The following USP43 variants were observed in gnomAD, a reference collection of about 807,000 sequenced individuals.
USP43 encodes ubiquitin specific peptidase 43, also known as ubiquitin carboxyl-terminal hydrolase 43.
USP43 carries 33 observed loss-of-function variants against 90.7 expected under a neutral mutation model. That is an observed-to-expected ratio of 0.36 (90% confidence interval 0.28 to 0.49). USP43 has a LOEUF of 0.49. USP43 is among the 20% of genes least tolerant of loss of function. The pLI is 0.98. For synonymous variants in USP43, 598 were observed against 615.8 expected (o/e 0.97, Z 0.43); for missense variants, 1,274 against 1,476.4 (o/e 0.86, Z 2.25).
intron 13 of USP43, 21 bp from the exon 14 acceptor site, chr17:9,711,947 C>T: frequency 6.3e-7 from 1 of 1,574,918 alleles, no homozygotes. Context: ...CTCAGCCTCC[C>T]TCTCTGTGTT....
intron 14 of USP43, among the ~76,000 whole-genome samples, chr17:9,724,342 G>A (rs1000009229): frequency 2.6e-5 from 4 of 152,142 alleles, no homozygotes; most frequent in East Asian, 1.9e-4. Flanking sequence ...ACCTCCACGT[G>A]GAAATGGTCA....
intron 1 of USP43, chr17:9,647,719 A>C (rs1911535192): frequency 6.6e-6 from 1 of 152,016 alleles, no homozygotes; most frequent in South Asian, 2.1e-4. Context: ...AACACTTCGA[A>C]ATTGGCCGAG....
At position 9,646,030 on chromosome 17, in the gene USP43, G is replaced by A. The variant is rs1288589271; in HGVS notation, c.398G>A (p.Arg133His). The change falls in exon 1 of 15, where the codon CGC (arginine) becomes CAC (histidine). Residue 133 changes from arginine to histidine, a missense_variant. Around this residue, in one of 6 missense-constraint regions of USP43, gnomAD observed 259 missense variants for 373.7 expected, o/e 0.69. Coordinates refer to ENST00000285199, the MANE Select transcript of USP43 (RefSeq NM_153210.5). ...CTGGCCGAGTTCCTGGCGCTGGGGC[G>A]CTACCGGGCGGCTCCGGGCCGCGCC... The part of the protein sequence containing the change: ...DLLAEFLALG[R>H]YRAAPGRAEV... 1 of 1,488,932 alleles carries A rather than the reference G, an allele frequency of 6.7e-7. No individual in the cohort carries two copies. The highest frequency in any genetic ancestry group is 8.9e-7 in the Non-Finnish European group (1 of 1,121,392). 92.2% of individuals were successfully genotyped at this position (1,488,932 alleles called of 1,614,324 possible). A position where few individuals can be genotyped will look rare whatever the true frequency, so the allele number is the denominator to read the frequency against.
At position 9,686,972 on chromosome 17, in the gene USP43, G is replaced by A; in HGVS notation, c.1353+63G>A. The stretch of plus-strand genomic sequence containing the variant: ...ATGCGCATGTGCATGCGTGTGTGTG[G>A]GTGTGTGTATTGGGAGGGGTGGAAT... On this transcript the variant is annotated intron_variant, in intron 8 of 14. Coordinates refer to ENST00000285199, the MANE Select transcript of USP43 (RefSeq NM_153210.5). This position sits in a 1 kb window ranked among gnomAD's most constrained non-coding sequence, Gnocchi z 5.5. 2 of 1,469,348 alleles carry A rather than the reference G, an allele frequency of 1.4e-6. No individual in the cohort carries two copies. Among genetic ancestry groups the A allele is most frequent in the South Asian group, 1.2e-5 (1 of 85,406 alleles). 91.0% of individuals were successfully genotyped at this position (1,469,348 alleles called of 1,614,324 possible). A position where few individuals can be genotyped will look rare whatever the true frequency, so the allele number is the denominator to read the frequency against.
At chr17:9,678,351 T>C (rs1253318801) in intron 5 of USP43, among the ~76,000 whole-genome samples, 1 of 152,178 alleles carries the variant, frequency 6.6e-6, no homozygotes, top group Non-Finnish European at 1.5e-5. Context: ...CTTGGATTTA[T>C]TTTTCTATTT....
In USP43 at chr17:9,645,864, G is replaced by A; in HGVS notation, c.232G>A (p.Glu78Lys). Residue 78 changes from glutamate (E) to lysine (K), a missense_variant, in exon 1 of 15, where the codon GAA (glutamate) becomes AAA (lysine). Physicochemically the swap from Glu to Lys is moderately conservative, Grantham distance 56. Around this residue, in one of 6 missense-constraint regions of USP43, gnomAD observed 259 missense variants for 373.7 expected, o/e 0.69. Transcript: ENST00000285199. This position sits in a 1 kb window ranked among gnomAD's most constrained non-coding sequence, Gnocchi z 6.8. Reference protein sequence around the residue: ...VPAAPGSPGEERPPGPQPQLQ... With the variant: ...VPAAPGSPGEKRPPGPQPQLQ... ...AGCGGCCCCCGGGAGCCCCGGGGAG[G>A]AACGCCCGCCCGGACCCCAGCCCCA... The A allele has an allele frequency of 7.0e-7, 1 of 1,421,180 alleles. No individual in the cohort carries two copies. Among genetic ancestry groups the A allele is most frequent in the Non-Finnish European group, 9.1e-7 (1 of 1,094,078 alleles). 88.0% of individuals were successfully genotyped at this position (1,421,180 alleles called of 1,614,324 possible).
chr17:9,711,891 C>A, intron 13 of USP43, 77 bp from the exon 14 acceptor site: 1 of 1,410,902 alleles, frequency 7.1e-7, no homozygotes, highest in South Asian at 1.6e-5. Context: ...GAATGGGGAT[C>A]TGGTTGTGAG....
Position 9,728,830 on chromosome 17 carries a change from G to T in USP43, c.3212G>T (p.Arg1071Leu). Reference protein sequence around the residue: ...RDVWSAPSSLRLPRKASRAPR... With the variant: ...RDVWSAPSSLLLPRKASRAPR... Reference sequence around the variant, plus strand: ...GTCTGGTCAGCCCCCAGCTCTCTCCGCCTCCCTCGTAAAGCCAGCAGGGCC... The same window carrying T: ...GTCTGGTCAGCCCCCAGCTCTCTCCTCCTCCCTCGTAAAGCCAGCAGGGCC... The change falls in exon 15 of 15, where the codon CGC becomes CTC. Residue 1071 changes from arginine to leucine, a missense_variant. Arg to Leu is a moderately radical substitution (Grantham distance 102). Around this residue, in one of 6 missense-constraint regions of USP43, gnomAD observed 353 missense variants for 329.7 expected, o/e 1.07. Transcript: ENST00000285199. This position sits in a 1 kb window ranked among gnomAD's most constrained non-coding sequence, Gnocchi z 6.2. The T allele has an allele frequency of 6.2e-7, 1 of 1,613,716 alleles. No individual in the cohort carries two copies. The highest frequency in any genetic ancestry group is 1.3e-5 in the African/African-American group (1 of 75,034).
chr17:9,662,699 G>A lies in USP43; in HGVS notation c.637-3949G>A, dbSNP rs116214616. Among the ~76,000 whole-genome samples the A allele has an allele frequency of 9.5e-4, 144 of 152,158 alleles. 1 individual carries two copies. The highest frequency in any genetic ancestry group is 3.4e-3 in the African/African-American group (140 of 41,508). On this transcript the variant is annotated intron_variant, in intron 2 of 14. Coordinates refer to ENST00000285199, the MANE Select transcript of USP43 (RefSeq NM_153210.5). ...AGCTGCCAAGTTAAAGCATCTCTCC[G>A]AGCATGTTGCTACCATCTGAGTTCA...
chr17:9,650,810 T>G (rs143085385), intron 1 of USP43, among the ~76,000 whole-genome samples: 20 of 152,204 alleles, frequency 1.3e-4, no homozygotes, highest in Non-Finnish European at 2.5e-4. Flanking sequence ...CCCTTATTAT[T>G]AATTTATTGA....
intron 14 of USP43, among the ~76,000 whole-genome samples, chr17:9,716,981 C>T (rs1051880569): frequency 6.6e-6 from 1 of 151,862 alleles, no homozygotes; most frequent in African/African-American, 2.4e-5. Context: ...ACTAAAAATA[C>T]AAAAATTAGC....
chr17:9,681,125 T>C (rs1456626790), intron 6 of USP43, among the ~76,000 whole-genome samples: 9 of 110,928 alleles, frequency 8.1e-5, no homozygotes, highest in Non-Finnish European at 1.1e-4. Context: ...TACTATATAA[T>C]ATATACTATA....
intron 8 of USP43, among the ~76,000 whole-genome samples, chr17:9,692,854 A>C (rs1915037707): frequency 6.6e-6 from 1 of 152,190 alleles, no homozygotes; most frequent in African/African-American, 2.4e-5. Context: ...GCTCCAGTTA[A>C]GCATTTACTA....
In USP43 at chr17:9,680,313, A is replaced by T; in HGVS notation, c.1052A>T (p.Asp351Val). The T allele has an allele frequency of 6.2e-7, 1 of 1,613,898 alleles. No individual in the cohort carries two copies. The highest frequency in any genetic ancestry group is 8.5e-7 in the Non-Finnish European group (1 of 1,179,866). The change falls in exon 6 of 15, where the codon GAT (aspartate) becomes GTT (valine). Residue 351 changes from aspartate to valine, a missense_variant. Coordinates refer to ENST00000285199, the MANE Select transcript of USP43 (RefSeq NM_153210.5). ...GACCTGAATACCATCGCAGAGGGAG[A>T]TAATGTGTATGCCTTTCAAGTTCCT... Reference protein sequence around the residue: ...EEDLNTIAEGDNVYAFQVPPS... With the variant: ...EEDLNTIAEGVNVYAFQVPPS...
At chr17:9,661,147 T>C (rs75456579) in intron 2 of USP43, among the ~76,000 whole-genome samples, 1,693 of 152,330 alleles carry the variant, frequency 0.011, 36 homozygotes, top group African/African-American at 0.039. Flanking sequence ...TCAAATGTTT[T>C]CATCCTGCAA....
At position 9,669,497 on chromosome 17, in the gene USP43, C is replaced by T. The variant is rs190295295; in HGVS notation, c.740+2746C>T. 3.9e-3 allele frequency among the ~76,000 whole-genome samples: 598 copies of T among 152,312 alleles called. 1 individual carries two copies. The highest frequency in any genetic ancestry group is 0.013 in the African/African-American group (551 of 41,570). ...ATCCTTGTTGATTCTTTAGATATTTCATTCATGCCCTACTGCGTGCTGGGT... is the reference window on the plus strand; with the variant it reads ...ATCCTTGTTGATTCTTTAGATATTTTATTCATGCCCTACTGCGTGCTGGGT... On this transcript the variant is annotated intron_variant, in intron 3 of 14. Coordinates refer to ENST00000285199, the MANE Select transcript of USP43 (RefSeq NM_153210.5).
At chr17:9,665,078 C>G (rs1166008531) in intron 2 of USP43, among the ~76,000 whole-genome samples, 1 of 152,110 alleles carries the variant, frequency 6.6e-6, no homozygotes, top group East Asian at 1.9e-4. Context: ...TATTGTGTCC[C>G]ATGTGTGGTA....
At chr17:9,718,092 A>C (rs1597892390) in intron 14 of USP43, among the ~76,000 whole-genome samples, 1 of 152,116 alleles carries the variant, frequency 6.6e-6, no homozygotes, top group East Asian at 1.9e-4. Context: ...CACCGCGCCC[A>C]GCCGTAGCTC....
At chr17:9,675,353 C>G (rs1463522701) in intron 4 of USP43, among the ~76,000 whole-genome samples, 3 of 151,940 alleles carry the variant, frequency 2.0e-5, no homozygotes, top group Admixed American at 6.6e-5. Context: ...AATCTATTTT[C>G]TTCTTTGAGA....
Sources: allele counts gnomAD v4.1 joint callset (sites outside exome capture counted in the v4.1 genomes callset), GRCh38; gene constraint gnomAD v4.1.1; regional missense constraint gnomAD v4.1.1; non-coding constraint Gnocchi (gnomAD v3.1); transcripts MANE v1.5; gene names NCBI Gene and HGNC (gene_info 2026-07-23, HGNC 2026-07-21).